The following CCDC197 variants were observed in gnomAD, a reference collection of about 807,000 sequenced individuals.
CCDC197 encodes the protein coiled-coil domain containing 197.
CCDC197 carries 24 observed loss-of-function variants against 13.4 expected under a neutral mutation model. That is an observed-to-expected ratio of 1.80 (90% CI 1.30 to 2.53). The LOEUF (loss-of-function observed/expected upper bound fraction) is 2.53, where lower values mean the gene tolerates loss of function less well. Among genes scored for constraint, CCDC197 ranks in the 30% most tolerant of loss-of-function variants. The pLI, the probability that CCDC197 is intolerant of heterozygous loss-of-function variation, is 0.00. For missense variants in CCDC197, 255 were observed against 148.8 expected, an observed-to-expected ratio of 1.71 and a Z score of -3.71; for synonymous variants, 99 against 55.5, an observed-to-expected ratio of 1.78 and a Z score of -3.48.
At chr14:94,007,452 T>C (rs1890714466) in intron 6 of CCDC197, 1 of 152,264 alleles carries the variant, frequency 6.6e-6, no homozygotes, top group Non-Finnish European at 1.5e-5. Flanking sequence ...AGTTTATTTC[T>C]GGATTCTTGA....
chr14:94,000,925 T>C (rs1013219702), intron 3 of CCDC197: 1 of 397,356 alleles, frequency 2.5e-6, no homozygotes, highest in Non-Finnish European at 4.3e-6. Context: ...GGCTGAACTT[T>C]CCAAGGTTGA....
rs928162072 is a variant in CCDC197, at chr14:93,998,919, G to A, written c.105-664G>A. ...ACAGCCCCTGTTGGACAGTCAGAGT[G>A]GCTTGGGAGCTTGGCCAGCTGGCCA... On this transcript the variant is annotated intron_variant, in intron 2 of 6. Transcript: ENST00000636493. Among the ~76,000 whole-genome samples, 10 of 152,364 alleles carry A rather than the reference G, an allele frequency of 6.6e-5. No homozygotes were observed. The East Asian group carries it at 1.5e-3, about 23-fold the overall frequency.
Position 94,003,341 on chromosome 14 carries a change from G to T in CCDC197, c.485G>T (p.Ser162Ile), listed in dbSNP as rs746748946. 1.4e-6 allele frequency: 1 copy of T among 697,284 alleles called. No individual in the cohort carries two copies. The highest frequency in any genetic ancestry group is 2.7e-6 in the Non-Finnish European group (1 of 368,480). 43.2% of individuals were successfully genotyped at this position (697,284 alleles called of 1,614,324 possible). A position where few individuals can be genotyped will look rare whatever the true frequency, so the allele number is the denominator to read the frequency against. The change falls in exon 5 of 7, where the codon AGC becomes ATC. Residue 162 changes from serine (S) to isoleucine (I), a missense_variant. Physicochemically the swap from Ser to Ile is moderately radical, Grantham distance 142. Transcript: ENST00000636493. The surrounding 1 kb of genome is among the most constrained non-coding windows in gnomAD (Gnocchi z 5.0). ...GACATTGACTTTGACACACACACCA[G>T]CAGCAGCTATAATGTGAGTCCAGTC... ...QKDIDFDTHT[S>I]SSYNDQLLGY...
chr14:94,010,839 G>A (rs1890796279), downstream of CCDC197, among the ~76,000 whole-genome samples: 1 of 152,172 alleles, frequency 6.6e-6, no homozygotes, highest in Non-Finnish European at 1.5e-5. Flanking sequence ...TCTTTCCAAA[G>A]CAAGCTAAAG....
upstream of CCDC197, among the ~76,000 whole-genome samples, chr14:93,996,799 C>G (rs1042033247): frequency 2.0e-5 from 3 of 152,218 alleles, no homozygotes; most frequent in African/African-American, 7.2e-5. Context: ...CCCCACCCCA[C>G]CTTCCCCGGT....
intron 1 of CCDC197, among the ~76,000 whole-genome samples, chr14:93,991,484 C>G (rs1019979436): frequency 6.6e-6 from 1 of 152,186 alleles, no homozygotes; most frequent in African/African-American, 2.4e-5. Context: ...AATCGTGACT[C>G]AAACCCAAAG....
At chr14:94,009,957 G>T (rs1411387107), downstream of CCDC197, among the ~76,000 whole-genome samples, 2 of 152,218 alleles carry the variant, frequency 1.3e-5, no homozygotes, top group African/African-American at 4.8e-5. Flanking sequence ...AAGAGCAGCT[G>T]CTGAGCTGTG....
At chr14:93,997,165 A>T (rs925700957), upstream of CCDC197, 1 of 152,078 alleles carries the variant, frequency 6.6e-6, no homozygotes, top group Non-Finnish European at 1.5e-5. Context: ...TGGGGGTGGG[A>T]GGTTTTAGGA....
Position 94,008,859 on chromosome 14 carries a change from C to T in CCDC197, c.*47C>T. The T allele has an allele frequency of 1.5e-6, 1 of 667,682 alleles. No homozygotes were observed. The highest frequency in any genetic ancestry group is 3.0e-4 in the Middle Eastern group (1 of 3,368). 41.4% of individuals were successfully genotyped at this position (667,682 alleles called of 1,614,324 possible). Reference sequence around the variant, plus strand: ...CCATGGCATCACGACCTCTCCTTACCTGCCTGCCTCCTTTTCTCACCACCA... The same window carrying T: ...CCATGGCATCACGACCTCTCCTTACTTGCCTGCCTCCTTTTCTCACCACCA... On this transcript the variant is annotated 3_prime_UTR_variant, in exon 7 of 7. Transcript: ENST00000636493.
rs543630216 is a variant in CCDC197 at position 94,003,096 on chromosome 14, G to T, written c.367-127G>T. ...TTCTGCATCTCTGGTGCCTTGAATG[G>T]CCCCAGCCACCCACAAGTATTCCTT... On this transcript the variant is annotated intron_variant, in intron 4 of 6. Coordinates refer to ENST00000636493, the MANE Select transcript of CCDC197 (RefSeq NM_001351596.2). This position sits in a 1 kb window ranked among gnomAD's most constrained non-coding sequence, Gnocchi z 5.0. 89 of 610,354 alleles carry T rather than the reference G, an allele frequency of 1.5e-4. No individual in the cohort carries two copies. In the African/African-American group the frequency reaches 1.5e-3, roughly 10 times the overall value. The allele number at this position is 610,354 out of a possible 1,614,324, so 37.8% of individuals were successfully genotyped here. A position where few individuals can be genotyped will look rare whatever the true frequency, so the allele number is the denominator to read the frequency against.
intron 4 of CCDC197, among the ~76,000 whole-genome samples, chr14:94,001,973 G>A (rs1890528376): frequency 6.6e-6 from 1 of 152,172 alleles, no homozygotes; most frequent in Non-Finnish European, 1.5e-5. Flanking sequence ...TAGTGGCAGC[G>A]CTGCAAGCCT....
intron 2 of CCDC197, chr14:93,999,376 T>G (rs1205651240): frequency 4.1e-4 from 219 of 531,352 alleles, no homozygotes; most frequent in Middle Eastern, 1.5e-3. Flanking sequence ...CTATGGGCGT[T>G]TATTTGATCT....
chr14:94,010,341 C>A (rs1011239197), downstream of CCDC197, among the ~76,000 whole-genome samples: 1 of 152,172 alleles, frequency 6.6e-6, no homozygotes, highest in African/African-American at 2.4e-5. Flanking sequence ...GTAACTGGGA[C>A]TACAGGCGCG....
intron 6 of CCDC197, among the ~76,000 whole-genome samples, chr14:94,006,115 A>G (rs1461009980): frequency 1.3e-5 from 2 of 152,188 alleles, no homozygotes; most frequent in Admixed American, 1.3e-4. Flanking sequence ...TACCATCCCC[A>G]TGATCAATGT....
chr14:93,989,273 G>A (rs2141338684), intron 1 of CCDC197, among the ~76,000 whole-genome samples: 2 of 152,230 alleles, frequency 1.3e-5, no homozygotes, highest in South Asian at 4.1e-4. Flanking sequence ...TGGCTCCCAG[G>A]TCAGAGGCAT....
At chr14:93,998,567 G>A (rs998894968) in intron 2 of CCDC197, among the ~76,000 whole-genome samples, 2 of 152,172 alleles carry the variant, frequency 1.3e-5, no homozygotes, top group Non-Finnish European at 2.9e-5. Flanking sequence ...CGAGGTTGCC[G>A]CCTTGACTCT....
chr14:94,007,978 G>A (rs1445522324), intron 6 of CCDC197, among the ~76,000 whole-genome samples: 1 of 152,206 alleles, frequency 6.6e-6, no homozygotes, highest in African/African-American at 2.4e-5. Flanking sequence ...TGAAGTCTGT[G>A]TAATTGGCAT....
intron 1 of CCDC197, among the ~76,000 whole-genome samples, chr14:93,989,871 A>T (rs1472256664): frequency 6.6e-6 from 1 of 152,158 alleles, no homozygotes; most frequent in Non-Finnish European, 1.5e-5. Flanking sequence ...AAACTTACTC[A>T]GGTGGTTGGC....
Position 94,008,836 on chromosome 14 carries a change from A to G in CCDC197, c.*24A>G, listed in dbSNP as rs78569439. 0.1 allele frequency: 71,948 copies of G among 686,776 alleles called. 4,329 individuals are homozygous for G. Among genetic ancestry groups the G allele is most frequent in the Non-Finnish European group, 0.12 (45,820 of 373,152 alleles). 42.5% of individuals were successfully genotyped at this position (686,776 alleles called of 1,614,324 possible). A position where few individuals can be genotyped will look rare whatever the true frequency, so the allele number is the denominator to read the frequency against. On this transcript the variant is annotated 3_prime_UTR_variant, in exon 7 of 7. Transcript: ENST00000636493. ...GACCAGCCTGCGCCTTGCAGGCCCC[A>G]TGGCATCACGACCTCTCCTTACCTG...
Sources: allele counts gnomAD v4.1 joint callset (sites outside exome capture counted in the v4.1 genomes callset), GRCh38; gene constraint gnomAD v4.1.1; non-coding constraint Gnocchi (gnomAD v3.1); transcripts MANE v1.5; gene names NCBI Gene and HGNC (gene_info 2026-07-23, HGNC 2026-07-21).